SPINK8: variants seen among roughly 807,000 people sequenced by gnomAD.
The protein encoded by SPINK8 is serine protease inhibitor Kazal-type 8.
A neutral mutation model predicts 14.4 loss-of-function variants in SPINK8; 12 were observed. The ratio of observed to expected loss-of-function variants is 0.83; its 90% confidence interval spans 0.53 to 1.35. The LOEUF (loss-of-function observed/expected upper bound fraction) is 1.35, where lower values mean the gene tolerates loss of function less well. Among genes scored for constraint, SPINK8 ranks in the 40% most tolerant of loss-of-function variants. The probability of loss-of-function intolerance (pLI) is 0.00; values close to 1 mark genes in which losing one functional copy is unlikely to be tolerated. For missense variants in SPINK8, 103 were observed against 117.0 expected, an observed-to-expected ratio of 0.88 and a Z score of 0.55; for synonymous variants, 32 against 37.6, an observed-to-expected ratio of 0.85 and a Z score of 0.55.
At chr3:48,320,974 A>T in intron 5 of SPINK8, 51 bp downstream of exon 5, 1 of 1,554,708 alleles carries the variant, frequency 6.4e-7, no homozygotes, top group Non-Finnish European at 8.7e-7. Context: ...TTTTGGGCAA[A>T]CTGGCTCTCT....
At position 48,321,007 on chromosome 3, in the gene SPINK8, C is replaced by G. The variant is rs2036066105; in HGVS notation, c.117+18G>C. 24 of 1,583,332 alleles carry G rather than the reference C, an allele frequency of 1.5e-5. No homozygotes were observed. The highest frequency in any genetic ancestry group is 2.1e-5 in the Non-Finnish European group (24 of 1,163,498). On this transcript the variant is annotated intron_variant, in intron 5 of 7. Coordinates refer to ENST00000434006, the MANE Select transcript of SPINK8 (RefSeq NM_001080525.3). Reference sequence around the variant, plus strand: ...TCTCCCCATTCCTGTTATTAGGAACCAAGGAAGCAGTACTCACTATTGTTT... The same window carrying G: ...TCTCCCCATTCCTGTTATTAGGAACGAAGGAAGCAGTACTCACTATTGTTT...
At position 48,319,496 on chromosome 3, in the gene SPINK8, C is replaced by A. The variant is rs756546795; in HGVS notation, c.239+1G>T. ...AAAGGGAGAACAAAATTAGGACTTA[C>A]AGAATTTTGGAGCACAGATGGCAGT... On this transcript the variant is annotated splice_donor_variant, in intron 6 of 7. Transcript: ENST00000434006. LOFTEE classifies it high-confidence loss of function. 11 of 1,613,766 alleles carry A rather than the reference C, an allele frequency of 6.8e-6. No individual in the cohort carries two copies. The highest frequency in any genetic ancestry group is 2.2e-5 in the East Asian group (1 of 44,894).
intron 4 of SPINK8, among the ~76,000 whole-genome samples, chr3:48,327,327 T>G (rs914160185): frequency 3.3e-5 from 5 of 152,224 alleles, no homozygotes; most frequent in African/African-American, 1.2e-4. Flanking sequence ...ACATGATATA[T>G]GAAGTGTTCT....
At chr3:48,307,787 G>A (rs1344355842) in intron 7 of SPINK8, among the ~76,000 whole-genome samples, 2 of 151,842 alleles carry the variant, frequency 1.3e-5, no homozygotes, top group Admixed American at 6.6e-5. Flanking sequence ...CTGAGTCACA[G>A]AGGTATTAAC....
intron 1 of SPINK8, among the ~76,000 whole-genome samples, chr3:48,333,064 AG>A (rs2036286596): frequency 6.6e-6 from 1 of 151,844 alleles, no homozygotes; most frequent in Non-Finnish European, 1.5e-5. Flanking sequence ...ACGCCGGGGC[AG>A]GGGGGTAGAT....
At chr3:48,307,109 A>G (rs2035859621) in intron 7 of SPINK8, 106 bp from the exon 8 acceptor site, 2 of 1,106,498 alleles carry the variant, frequency 1.8e-6, no homozygotes, top group East Asian at 5.0e-5. Context: ...ATGCTAAACA[A>G]TTATTCTCTG....
In SPINK8 at chr3:48,319,521, T is replaced by C. The variant is rs1274484473; in HGVS notation, c.215A>G (p.Asp72Gly). The C allele has an allele frequency of 1.2e-6, 2 of 1,613,978 alleles. No homozygotes were observed. The highest frequency in any genetic ancestry group is 1.7e-5 in the Admixed American group (1 of 60,022). ...CGSDQVTYSS[D>G]CHLCSKILFE... Reference sequence around the variant, plus strand: ...CAGAATTTTGGAGCACAGATGGCAGTCACTACTGTAGGTAACCTGGTCACT... The same window carrying C: ...CAGAATTTTGGAGCACAGATGGCAGCCACTACTGTAGGTAACCTGGTCACT... The change falls in exon 6 of 8, where the codon GAC becomes GGC. Residue 72 changes from aspartate (D) to glycine (G), a missense_variant. Coordinates refer to ENST00000434006, the MANE Select transcript of SPINK8 (RefSeq NM_001080525.3).
chr3:48,333,070 G>T (rs1333260014), intron 1 of SPINK8, among the ~76,000 whole-genome samples: 1 of 151,764 alleles, frequency 6.6e-6, no homozygotes. Flanking sequence ...GGGCAGGGGG[G>T]TAGATTCTGA....
intron 6 of SPINK8, chr3:48,316,552 G>A (rs1560016196): frequency 6.5e-6 from 1 of 153,348 alleles, no homozygotes; most frequent in African/African-American, 2.4e-5. Flanking sequence ...TGGACTGCTT[G>A]AGCTCAGGAG....
intron 4 of SPINK8, among the ~76,000 whole-genome samples, chr3:48,327,652 A>AG (rs1459155309): frequency 1.3e-5 from 2 of 152,166 alleles, no homozygotes; most frequent in Non-Finnish European, 2.9e-5. Context: ...TGGAGAGGGA[A>AG]GGGGAGGAGA....
chr3:48,331,177 G>A (rs991688596), intron 2 of SPINK8, among the ~76,000 whole-genome samples: 5 of 152,148 alleles, frequency 3.3e-5, no homozygotes, highest in Admixed American at 1.3e-4. Context: ...GGGGCATATG[G>A]GTGTGGGGCT....
At chr3:48,331,494 A>G (rs781445691) in intron 2 of SPINK8, among the ~76,000 whole-genome samples, 3 of 152,170 alleles carry the variant, frequency 2.0e-5, no homozygotes, top group Non-Finnish European at 2.9e-5. Flanking sequence ...ATAATCTTCT[A>G]ATGGCTTCCT....
chr3:48,311,564 A>T (rs2035925080), intron 6 of SPINK8, among the ~76,000 whole-genome samples: 1 of 152,252 alleles, frequency 6.6e-6, no homozygotes, highest in Admixed American at 6.5e-5. Context: ...TAACAAACAA[A>T]AATCAGTTGT....
At chr3:48,317,997 C>T (rs906648256) in intron 6 of SPINK8, among the ~76,000 whole-genome samples, 6 of 152,216 alleles carry the variant, frequency 3.9e-5, no homozygotes, top group Admixed American at 3.3e-4. Context: ...GCCTCAGCTT[C>T]CCAAAGTGTT....
intron 4 of SPINK8, among the ~76,000 whole-genome samples, chr3:48,322,708 G>GT (rs2036091884): frequency 6.6e-6 from 1 of 152,090 alleles, no homozygotes; most frequent in Non-Finnish European, 1.5e-5. Context: ...GAAGTATATG[G>GT]TTTTTTGTGT....
Position 48,306,863 on chromosome 3 carries a change from T to C in SPINK8, c.*129A>G. ...CAGGTTTTCTGCTAAGAATCATTTA[T>C]TGAAGACATAAATCAACGAGTTTGA... is the stretch of plus-strand genomic sequence containing the variant. On this transcript the variant is annotated 3_prime_UTR_variant, in exon 8 of 8. Transcript: ENST00000434006. The C allele has an allele frequency of 2.3e-6, 2 of 874,906 alleles. No homozygotes were observed. The highest frequency in any genetic ancestry group is 1.8e-6 in the Non-Finnish European group (1 of 564,200). 54.2% of individuals were successfully genotyped at this position (874,906 alleles called of 1,614,324 possible).
chr3:48,313,507 T>C (rs997520817), intron 6 of SPINK8, among the ~76,000 whole-genome samples: 1 of 152,232 alleles, frequency 6.6e-6, no homozygotes, highest in Non-Finnish European at 1.5e-5. Context: ...GGAACTCTCA[T>C]ATTTCTGGAA....
At chr3:48,328,735 G>A (rs1042000208) in intron 3 of SPINK8, among the ~76,000 whole-genome samples, 2 of 152,122 alleles carry the variant, frequency 1.3e-5, no homozygotes, top group Admixed American at 6.5e-5. Context: ...CCAGGAGTTC[G>A]AGACCAGCCT....
In SPINK8 at chr3:48,306,900, G is replaced by T; in HGVS notation, c.*92C>A. 7.6e-7 allele frequency: 1 copy of T among 1,314,600 alleles called. No homozygotes were observed. Among genetic ancestry groups the T allele is most frequent in the Non-Finnish European group, 1.1e-6 (1 of 931,480 alleles). The allele number at this position is 1,314,600 out of a possible 1,614,324, so 81.4% of individuals were successfully genotyped here. A position where few individuals can be genotyped will look rare whatever the true frequency, so the allele number is the denominator to read the frequency against. On this transcript the variant is annotated 3_prime_UTR_variant, in exon 8 of 8. Transcript: ENST00000434006. ...ATCAACGAGTTTGATCCAACCATTAGTAATTAAAGGGGATATATTTGAAGA... is the reference window on the plus strand; with the variant it reads ...ATCAACGAGTTTGATCCAACCATTATTAATTAAAGGGGATATATTTGAAGA...
Sources: allele counts gnomAD v4.1 joint callset (sites outside exome capture counted in the v4.1 genomes callset), GRCh38; gene constraint gnomAD v4.1.1; transcripts MANE v1.5; gene names NCBI Gene and HGNC (gene_info 2026-07-23, HGNC 2026-07-21).